Variants in FNDC3A observed in about 807,000 individuals in gnomAD.
FNDC3A encodes the protein fibronectin type-III domain-containing protein 3A.
FNDC3A carries 32 observed loss-of-function variants against 148.9 expected under a neutral mutation model. That is an observed-to-expected ratio of 0.21 (90% CI 0.16 to 0.29). FNDC3A has a LOEUF of 0.29. FNDC3A is among the 10% of genes least tolerant of loss of function. FNDC3A has a pLI of 1.00. For synonymous variants in FNDC3A, 472 were observed against 473.6 expected (o/e 1.00, Z 0.04); for missense variants, 1,191 against 1,452.8 (o/e 0.82, Z 2.93).
intron 2 of FNDC3A, among the ~76,000 whole-genome samples, chr13:49,019,185 G>T (rs888695883): frequency 6.6e-6 from 1 of 152,226 alleles, no homozygotes; most frequent in African/African-American, 2.4e-5. Context: ...GCAATGGCGG[G>T]CGCCCCTCCC....
intron 2 of FNDC3A, among the ~76,000 whole-genome samples, chr13:49,063,547 A>G (rs1877044691): frequency 6.6e-6 from 1 of 152,218 alleles, no homozygotes; most frequent in Non-Finnish European, 1.5e-5. Flanking sequence ...AATGAAAGGA[A>G]GCAATTCCTA....
chr13:49,021,882 T>A lies in FNDC3A; in HGVS notation c.99+15593T>A, dbSNP rs529794463. Among the ~76,000 whole-genome samples, 14 of 152,268 alleles carry A rather than the reference T, an allele frequency of 9.2e-5. No individual in the cohort carries two copies. The South Asian group carries it at 2.7e-3, about 29-fold the overall frequency. On this transcript the variant is annotated intron_variant, in intron 2 of 25. Transcript: ENST00000492622. ...ATGTAATACAACATTTTTTCTAGTGTCATTTTATATTTTTATATTGATATC... is the reference window on the plus strand; with the variant it reads ...ATGTAATACAACATTTTTTCTAGTGACATTTTATATTTTTATATTGATATC...
intron 2 of FNDC3A, among the ~76,000 whole-genome samples, chr13:49,055,349 A>G (rs1044604938): frequency 3.3e-5 from 5 of 151,648 alleles, no homozygotes; most frequent in African/African-American, 1.2e-4. Context: ...CCCCCCAACC[A>G]TCTGAATAGA....
At chr13:49,072,476 G>C (rs1392034135) in intron 2 of FNDC3A, among the ~76,000 whole-genome samples, 4 of 152,086 alleles carry the variant, frequency 2.6e-5, no homozygotes, top group African/African-American at 7.2e-5. Flanking sequence ...TTTTATGCTA[G>C]TACCATGCTG....
At chr13:49,189,873 T>C (rs1477148802) in intron 17 of FNDC3A, among the ~76,000 whole-genome samples, 1 of 152,208 alleles carries the variant, frequency 6.6e-6, no homozygotes, top group Non-Finnish European at 1.5e-5. Flanking sequence ...AAGTAAGTAA[T>C]ATGCCACTGA....
intron 1 of FNDC3A, among the ~76,000 whole-genome samples, chr13:48,991,984 G>A (rs114871542): frequency 3.5e-4 from 54 of 152,228 alleles, no homozygotes; most frequent in African/African-American, 1.2e-3. Context: ...GTAATTTATC[G>A]AATACTGAAA....
intron 3 of FNDC3A, among the ~76,000 whole-genome samples, chr13:49,089,712 A>G (rs1879058361): frequency 6.6e-6 from 1 of 152,092 alleles, no homozygotes; most frequent in African/African-American, 2.4e-5. Context: ...GAGGTCTCCA[A>G]CCTCCAGATG....
In FNDC3A at chr13:49,198,223, C is replaced by G. The variant is rs1312511441; in HGVS notation, c.2732C>G (p.Thr911Arg). 3.1e-6 allele frequency: 5 copies of G among 1,614,034 alleles called. No individual in the cohort carries two copies. The highest frequency in any genetic ancestry group is 4.2e-6 in the Non-Finnish European group (5 of 1,179,956). The part of the protein sequence containing the change: ...DKQSLTVGKV[T>R]SYIINNLQPD... Reference sequence around the variant, plus strand: ...CAATCCCTAACAGTGGGAAAGGTTACAAGCTATATTATCAACAATTTGCAA... The same window carrying G: ...CAATCCCTAACAGTGGGAAAGGTTAGAAGCTATATTATCAACAATTTGCAA... The change falls in exon 22 of 26, where the codon ACA (threonine) becomes AGA (arginine). Residue 911 changes from threonine (T) to arginine (R), a missense_variant. Thr to Arg is a moderately conservative substitution (Grantham distance 71, BLOSUM62 -1). Around this residue, in one of 3 missense-constraint regions of FNDC3A, gnomAD observed 751 missense variants for 944.0 expected, o/e 0.80. Coordinates refer to ENST00000492622, the MANE Select transcript of FNDC3A (RefSeq NM_001079673.2).
At chr13:49,091,140 A>C (rs1879166423) in intron 3 of FNDC3A, among the ~76,000 whole-genome samples, 1 of 152,152 alleles carries the variant, frequency 6.6e-6, no homozygotes, top group Non-Finnish European at 1.5e-5. Context: ...CAATAACAAA[A>C]AACAGCCAAC....
At chr13:49,153,907 T>C (rs1883482744) in intron 8 of FNDC3A, among the ~76,000 whole-genome samples, 1 of 129,072 alleles carries the variant, frequency 7.7e-6, no homozygotes, top group Non-Finnish European at 1.6e-5. Context: ...TACCATGCTG[T>C]TTTGGTTACT....
rs952021788 is a variant in FNDC3A, at chr13:48,999,159, G to A, written c.-39-6993G>A. The stretch of plus-strand genomic sequence containing the variant: ...GGGCTCCACCAAGCGGAAGGGACAG[G>A]TCACCTCACTGAGCCATGGGAGTGA... On this transcript the variant is annotated intron_variant, in intron 1 of 25. Coordinates refer to ENST00000492622, the MANE Select transcript of FNDC3A (RefSeq NM_001079673.2). Among the ~76,000 whole-genome samples the A allele has an allele frequency of 7.9e-5, 12 of 152,270 alleles. No individual in the cohort carries two copies. The East Asian group carries it at 2.3e-3, about 29-fold the overall frequency.
At chr13:49,205,341 T>G (rs959284378) in intron 25 of FNDC3A, among the ~76,000 whole-genome samples, 1 of 152,222 alleles carries the variant, frequency 6.6e-6, no homozygotes, top group African/African-American at 2.4e-5. Flanking sequence ...GACAAATACA[T>G]ATTTTTAATT....
chr13:49,042,725 T>C (rs141488956), intron 2 of FNDC3A, among the ~76,000 whole-genome samples: 97 of 152,178 alleles, frequency 6.4e-4, no homozygotes, highest in African/African-American at 2.0e-3. Flanking sequence ...TGCAGTGAGC[T>C]GCGATTGTGC....
chr13:49,071,085 A>C (rs755388953), intron 2 of FNDC3A, among the ~76,000 whole-genome samples: 81 of 105,410 alleles, frequency 7.7e-4, no homozygotes, highest in Non-Finnish European at 1.2e-3. Flanking sequence ...TTTTTTGTAG[A>C]GATGAGGTCT....
At chr13:49,136,208 C>A in intron 5 of FNDC3A, 124 bp from the exon 6 acceptor site, 1 of 831,934 alleles carries the variant, frequency 1.2e-6, no homozygotes, top group South Asian at 2.2e-5. Flanking sequence ...CTTTGTTATG[C>A]AAAATTCTTT....
At chr13:49,159,945 G>A (rs1252749009) in intron 8 of FNDC3A, among the ~76,000 whole-genome samples, 2 of 152,204 alleles carry the variant, frequency 1.3e-5, no homozygotes, top group Admixed American at 6.5e-5. Flanking sequence ...CGTTGAACAA[G>A]CCTTGCATCC....
chr13:49,197,951 T>TA (rs1375028965), intron 21 of FNDC3A, 31 bp from the exon 22 acceptor site: 4 of 1,598,664 alleles, frequency 2.5e-6, no homozygotes, highest in Non-Finnish European at 2.6e-6. Context: ...GGTCATGACT[T>TA]TGTTAACTCG....
chr13:49,201,948 G>T lies in FNDC3A; in HGVS notation c.3136G>T (p.Val1046Phe), dbSNP rs1403684947. 1.9e-6 allele frequency: 3 copies of T among 1,568,254 alleles called. No individual in the cohort carries two copies. The highest frequency in any genetic ancestry group is 2.6e-6 in the Non-Finnish European group (3 of 1,160,688). ...QEYIFTTPKS[V>F]PAALKAPKIE... ...ATATATTTTCACTACTCCAAAATCT[G>T]TCCCAGCTGCCTTGAAAGGTAAGTT... Residue 1046 changes from valine (V) to phenylalanine (F), a missense_variant, in exon 24 of 26, where the codon GTC (valine) becomes TTC (phenylalanine). This residue lies in a region of FNDC3A where 751 missense variants were observed against 944.0 expected (regional missense o/e 0.80). Coordinates refer to ENST00000492622, the MANE Select transcript of FNDC3A (RefSeq NM_001079673.2).
chr13:49,041,501 A>G (rs1488557808), intron 2 of FNDC3A, among the ~76,000 whole-genome samples: 1 of 152,200 alleles, frequency 6.6e-6, no homozygotes, highest in Non-Finnish European at 1.5e-5. Context: ...TTATTCATTG[A>G]ACGAAAGTTT....
Sources: gnomAD v4.1 joint callset for allele counts (sites outside exome capture counted in the v4.1 genomes callset) on GRCh38, gnomAD v4.1.1 for gene constraint, gnomAD v4.1.1 regional missense constraint, MANE v1.5 for transcripts, NCBI Gene and HGNC (gene_info 2026-07-23, HGNC 2026-07-21) for gene names.